The following SON variants were observed in gnomAD, a reference collection of about 807,000 sequenced individuals.
SON encodes the protein SON DNA and RNA binding protein, also known as protein SON.
Under a neutral mutation model 173.3 loss-of-function variants are expected in SON, and 4 were observed. The observed-to-expected ratio is 0.02, with a 90% CI of 0.01 to 0.05. SON has a LOEUF of 0.05. SON is among the 10% of genes least tolerant of loss of function. The pLI is 1.00. For missense variants in SON, 2,626 were observed against 3,055.3 expected, an observed-to-expected ratio of 0.86 and a Z score of 3.31; for synonymous variants, 1,190 against 1,105.9, an observed-to-expected ratio of 1.08 and a Z score of -1.51.
In SON at chr21:33,568,977, G is replaced by T; in HGVS notation, c.6775G>T (p.Ala2259Ser). The change falls in exon 8 of 12, where the codon GCC (alanine) becomes TCC (serine). Residue 2259 changes from alanine to serine, a missense_variant. By Grantham distance (99) the Ala-to-Ser change is moderately conservative (BLOSUM62 1). Coordinates refer to ENST00000356577, the MANE Select transcript of SON (RefSeq NM_138927.4). ...GACTACTTCTTTTCTTCAGATTGAT[G>T]CCTGGGCTCAGCTGAACTCTATTCC... ...MLNRAQERID[A>S]WAQLNSIPGQ... 6.3e-7 allele frequency: 1 copy of T among 1,599,990 alleles called. No homozygotes were observed. Among genetic ancestry groups the T allele is most frequent in the Non-Finnish European group, 8.6e-7 (1 of 1,169,492 alleles).
In SON at chr21:33,552,370, C is replaced by T. The variant is rs747801526; in HGVS notation, c.3139C>T (p.Arg1047Cys). ...GCGCTCTATGATGTCAGCCTACGAG[C>T]GCTCTATGATGTCCCCTATGGCTGA... Reference protein sequence around the residue: ...YERSMMSAYERSMMSPMAERS... With the variant: ...YERSMMSAYECSMMSPMAERS... Residue 1047 changes from arginine (R) to cysteine (C), a missense_variant, in exon 3 of 12, where the codon CGC (arginine) becomes TGC (cysteine). Arg to Cys is a radical substitution (Grantham distance 180, BLOSUM62 -3). Coordinates refer to ENST00000356577, the MANE Select transcript of SON (RefSeq NM_138927.4). This position sits in a 1 kb window ranked among gnomAD's most constrained non-coding sequence, Gnocchi z 5.6. 2.5e-6 allele frequency: 4 copies of T among 1,613,774 alleles called. No homozygotes were observed. Among genetic ancestry groups the T allele is most frequent in the Middle Eastern group, 1.7e-4 (1 of 6,056 alleles).
At position 33,549,792 on chromosome 21, in the gene SON, A is replaced by C. The variant is rs769487039; in HGVS notation, c.561A>C (p.Leu187=). 6.2e-7 allele frequency: 1 copy of C among 1,614,190 alleles called. No individual in the cohort carries two copies. Among genetic ancestry groups the C allele is most frequent in the Non-Finnish European group, 8.5e-7 (1 of 1,180,014 alleles). Residue 187 remains leucine, a synonymous_variant, in exon 3 of 12, where the codon CTA becomes CTC. Transcript: ENST00000356577. ...CCAATGAATCCCCTGCAGTTGTGCT[A>C]GAACCTCCTGTAGTATCAATGGAGG... ...SETNESPAVV[L]EPPVVSMEVS... is the part of the protein sequence containing the mutation.
At chr21:33,557,016 T>TG in intron 3 of SON, 140 bp from the exon 4 acceptor site, 1 of 664,028 alleles carries the variant, frequency 1.5e-6, no homozygotes, top group Non-Finnish European at 2.3e-6. Context: ...TTTTTTCCTT[T>TG]TTTTTTTTCT....
At chr21:33,573,817 GTTTAT>G (rs1460126434) in intron 9 of SON, among the ~76,000 whole-genome samples, 2 of 152,058 alleles carry the variant, frequency 1.3e-5, no homozygotes, top group African/African-American at 4.8e-5. Flanking sequence ...CTAGAGTTTA[GTTTAT>G]TTTTTGTTAG....
In SON at chr21:33,546,255, C is replaced by T. The variant is rs1279337664; in HGVS notation, c.120C>T (p.Pro40=). The T allele has an allele frequency of 3.7e-6, 6 of 1,613,630 alleles. No individual in the cohort carries two copies. Among genetic ancestry groups the T allele is most frequent in the Admixed American group, 1.7e-5 (1 of 59,936 alleles). ...AGCTGAATGGTGAAACAAATACACC[C>T]ATTGAAGGAAACCAGGCGGGTGATG... The part of the protein sequence containing the change: ...EGQLNGETNT[P]IEGNQAGDAA... Residue 40 remains proline, a synonymous_variant, in exon 2 of 12, where the codon CCC becomes CCT. Transcript: ENST00000356577.
chr21:33,563,384 C>T (rs2086105709), intron 6 of SON, among the ~76,000 whole-genome samples: 1 of 151,696 alleles, frequency 6.6e-6, no homozygotes, highest in African/African-American at 2.4e-5. Flanking sequence ...TCATTTTGCT[C>T]TTGTATGCAT....
Position 33,552,157 on chromosome 21 carries a change from T to C in SON, c.2926T>C (p.Ser976Pro), listed in dbSNP as rs1372234647. 6.2e-7 allele frequency: 1 copy of C among 1,614,014 alleles called. No homozygotes were observed. The highest frequency in any genetic ancestry group is 8.5e-7 in the Non-Finnish European group (1 of 1,179,968). The change falls in exon 3 of 12, where the codon TCC (serine) becomes CCC (proline). Residue 976 changes from serine (S) to proline (P), a missense_variant. This residue lies in a region of SON where 366 missense variants were observed against 448.6 expected (regional missense o/e 0.82). Transcript: ENST00000356577. The surrounding 1 kb of genome is among the most constrained non-coding windows in gnomAD (Gnocchi z 5.6). ...SPRPYRIAPR[S>P]YRIAPRPYRL... ...TAGACCCTACAGGATAGCACCCAGG[T>C]CCTATAGAATAGCACCCAGGCCATA...
At position 33,553,724 on chromosome 21, in the gene SON, C is replaced by T; in HGVS notation, c.4493C>T (p.Pro1498Leu). 1 of 1,613,970 alleles carries T rather than the reference C, an allele frequency of 6.2e-7. No individual in the cohort carries two copies. The highest frequency in any genetic ancestry group is 8.5e-7 in the Non-Finnish European group (1 of 1,179,992). ...NLSSGDQNLA[P>L]EIGMQEIALH... ...TCCTCTGGTGATCAAAATCTTGCTC[C>T]AGAGATTGGCATGCAGGAGATTGCA... Residue 1498 changes from proline to leucine, a missense_variant, in exon 3 of 12, where the codon CCA (proline) becomes CTA (leucine). Coordinates refer to ENST00000356577, the MANE Select transcript of SON (RefSeq NM_138927.4).
Position 33,554,320 on chromosome 21 carries a change from A to C in SON, c.5089A>C (p.Ser1697Arg), listed in dbSNP as rs774017017. The change falls in exon 3 of 12, where the codon AGC becomes CGC. Residue 1697 changes from serine to arginine, a missense_variant. Ser to Arg is a moderately radical substitution (Grantham distance 110). Coordinates refer to ENST00000356577, the MANE Select transcript of SON (RefSeq NM_138927.4). The stretch of plus-strand genomic sequence containing the variant: ...TGACCAGACATTAGCAGCTCTGCTC[A>C]GCCCTAAAGAAAGTAGTGGAGGAGA... ...ESDQTLAALLSPKESSGGEKE... is the reference protein window; with the variant it reads ...ESDQTLAALLRPKESSGGEKE... The C allele has an allele frequency of 6.2e-7, 1 of 1,614,066 alleles. No homozygotes were observed. The highest frequency in any genetic ancestry group is 8.5e-7 in the Non-Finnish European group (1 of 1,180,022).
chr21:33,571,030 T>G (rs919837255), intron 8 of SON, among the ~76,000 whole-genome samples: 12 of 152,046 alleles, frequency 7.9e-5, no homozygotes, highest in African/African-American at 2.9e-4. Flanking sequence ...TTAAAATGTT[T>G]AGTAGCACCT....
chr21:33,547,959 G>A (rs965680360), intron 2 of SON, among the ~76,000 whole-genome samples: 5 of 151,654 alleles, frequency 3.3e-5, no homozygotes, highest in South Asian at 2.1e-4. Context: ...TCCTGGCCTC[G>A]TGATCCACAC....
At chr21:33,575,348 T>C (rs1024780141) in intron 9 of SON, 2 of 339,058 alleles carry the variant, frequency 5.9e-6, no homozygotes, top group Non-Finnish European at 1.1e-5. Context: ...ACTTAACTTT[T>C]TGTTTTCTGT....
In SON at chr21:33,559,968, G is replaced by C. The variant is rs2086040956; in HGVS notation, c.6657+193G>C. On this transcript the variant is annotated intron_variant, in intron 6 of 11. Coordinates refer to ENST00000356577, the MANE Select transcript of SON (RefSeq NM_138927.4). This position sits in a 1 kb window ranked among gnomAD's most constrained non-coding sequence, Gnocchi z 4.1. Reference sequence around the variant, plus strand: ...GTAACTCGATGCAATTCACTTTGTGGAACCAAGCCACAAAGTGAAAAGCAT... The same window carrying C: ...GTAACTCGATGCAATTCACTTTGTGCAACCAAGCCACAAAGTGAAAAGCAT... 6.2e-7 allele frequency: 1 copy of C among 1,614,086 alleles called. No homozygotes were observed. Among genetic ancestry groups the C allele is most frequent in the Admixed American group, 1.7e-5 (1 of 60,016 alleles).
intron 7 of SON, 28 bp downstream of exon 7, chr21:33,567,295 ATTAT>A (rs1228825859): frequency 7.9e-7 from 1 of 1,270,272 alleles, no homozygotes; most frequent in Admixed American, 1.7e-5. Context: ...AAAAAAAATT[ATTAT>A]TTACCATCAG....
chr21:33,567,030 T>C (rs576731805), intron 6 of SON, 127 bp from the exon 7 acceptor site: 68 of 521,406 alleles, frequency 1.3e-4, no homozygotes, highest in African/African-American at 1.3e-3. Flanking sequence ...CTCCCTGTTT[T>C]CCAAGATTAT....
chr21:33,561,711 CTTGT>C (rs1158640571), intron 6 of SON, among the ~76,000 whole-genome samples: 1 of 152,018 alleles, frequency 6.6e-6, no homozygotes, highest in Non-Finnish European at 1.5e-5. Flanking sequence ...GTGCCTTAGC[CTTGT>C]TTGTCATCAA....
chr21:33,551,308 A>G lies in SON; in HGVS notation c.2077A>G (p.Thr693Ala), dbSNP rs751215349. Reference sequence around the variant, plus strand: ...TAATACGGTAGCACAGGAGCTGCCTACTACATTAGTGGGGGAGACTTCTGT... The same window carrying G: ...TAATACGGTAGCACAGGAGCTGCCTGCTACATTAGTGGGGGAGACTTCTGT... The part of the protein sequence containing the change: ...SYNTVAQELP[T>A]TLVGETSVTV... Residue 693 changes from threonine (T) to alanine (A), a missense_variant, in exon 3 of 12, where the codon ACT becomes GCT. Physicochemically the swap from Thr to Ala is moderately conservative, Grantham distance 58 (BLOSUM62 0). Transcript: ENST00000356577. The G allele has an allele frequency of 5.6e-6, 9 of 1,614,110 alleles. No homozygotes were observed. Among genetic ancestry groups the G allele is most frequent in the African/African-American group, 2.7e-5 (2 of 75,012 alleles).
At chr21:33,566,987 G>A (rs1373997665) in intron 6 of SON, among the ~76,000 whole-genome samples, 170 bp from the exon 7 acceptor site, 1 of 152,050 alleles carries the variant, frequency 6.6e-6, no homozygotes, top group East Asian at 1.9e-4. Context: ...ATCCTCTTCT[G>A]TTTTCCAAGA....
At chr21:33,549,332 CAG>C (rs2085698479) in intron 2 of SON, 142 bp from the exon 3 acceptor site, 2 of 608,412 alleles carry the variant, frequency 3.3e-6, no homozygotes, top group African/African-American at 1.9e-5. Flanking sequence ...CTTGGCCTCT[CAG>C]AGTGCTAAGA....
Sources: gnomAD v4.1 joint callset for allele counts (sites outside exome capture counted in the v4.1 genomes callset) on GRCh38, gnomAD v4.1.1 for gene constraint, gnomAD v4.1.1 regional missense constraint, Gnocchi (gnomAD v3.1) non-coding constraint, MANE v1.5 for transcripts, NCBI Gene and HGNC (gene_info 2026-07-23, HGNC 2026-07-21) for gene names.